Variants in AKT2 observed in about 807,000 individuals in gnomAD.
AKT2 encodes AKT serine/threonine kinase 2, also known as RAC-beta serine/threonine-protein kinase.
Under a neutral mutation model 58.6 loss-of-function variants are expected in AKT2, and 16 were observed. The ratio of observed to expected loss-of-function variants is 0.27; its 90% CI spans 0.18 to 0.41. The LOEUF (loss-of-function observed/expected upper bound fraction) is 0.41, where lower values mean the gene tolerates loss of function less well. Ranked by LOEUF, AKT2 falls within the 10% of genes least tolerant of loss-of-function variation. The pLI is 1.00. For synonymous variants in AKT2, 253 were observed against 254.0 expected, an observed-to-expected ratio of 1.00 and a Z score of 0.04; for missense variants, 438 against 661.0, an observed-to-expected ratio of 0.66 and a Z score of 3.70.
rs537152351 is a variant in AKT2 at position 40,256,738 on chromosome 19, T to A, written c.175+188A>T. On this transcript the variant is annotated intron_variant, in intron 3 of 13. Coordinates refer to ENST00000392038, the MANE Select transcript of AKT2 (RefSeq NM_001626.6). ...GCTTCTCCCTCCCTCCCACTCTGCATCTCCCCGCAGGACAGCCCCGCCTGG... is the reference window on the plus strand; with the variant it reads ...GCTTCTCCCTCCCTCCCACTCTGCAACTCCCCGCAGGACAGCCCCGCCTGG... Among the ~76,000 whole-genome samples the A allele has an allele frequency of 3.4e-4, 52 of 152,146 alleles. 1 individual carries two copies. The highest frequency in any genetic ancestry group is 2.9e-3 in the Admixed American group (45 of 15,284).
Position 40,235,258 on chromosome 19 carries a change from C to T in AKT2, c.1263+5G>A. On this transcript the variant is annotated splice_donor_5th_base_variant and intron_variant, in intron 12 of 13. Transcript: ENST00000392038. The surrounding 1 kb of genome is among the most constrained non-coding windows in gnomAD (Gnocchi z 6.3). ...GGTCCTGCTGGGGCAAGCAGTGGGG[C>T]TCACCTTCTTCTGGACCACGTCCTG... The T allele has an allele frequency of 6.2e-7, 1 of 1,614,072 alleles. No homozygotes were observed. Among genetic ancestry groups the T allele is most frequent in the Non-Finnish European group, 8.5e-7 (1 of 1,180,008 alleles).
chr19:40,268,383 T>C (rs944342473), intron 1 of AKT2, among the ~76,000 whole-genome samples: 3 of 152,226 alleles, frequency 2.0e-5, no homozygotes, highest in African/African-American at 7.2e-5. Flanking sequence ...GCTGCCATTA[T>C]TCCAGAGAGA....
At chr19:40,270,955 G>C (rs966948259) in intron 1 of AKT2, among the ~76,000 whole-genome samples, 11 of 151,800 alleles carry the variant, frequency 7.2e-5, no homozygotes, top group Non-Finnish European at 1.5e-5. Flanking sequence ...TGAGGCTGCA[G>C]TGAGCTATGA....
intron 1 of AKT2, among the ~76,000 whole-genome samples, chr19:40,269,986 A>C (rs1486288497): frequency 6.6e-6 from 1 of 152,160 alleles, no homozygotes; most frequent in African/African-American, 2.4e-5. Context: ...TGCTTCTCTG[A>C]GGGCACTTCA....
At chr19:40,248,311 C>A (rs914584668) in intron 4 of AKT2, among the ~76,000 whole-genome samples, 1 of 152,220 alleles carries the variant, frequency 6.6e-6, no homozygotes, top group East Asian at 1.9e-4. Context: ...GTTCACCCAG[C>A]CGGCCTGCAA....
At chr19:40,283,859 G>T (rs755711264) in intron 1 of AKT2, among the ~76,000 whole-genome samples, 1 of 152,206 alleles carries the variant, frequency 6.6e-6, no homozygotes, top group Non-Finnish European at 1.5e-5. Flanking sequence ...AACAGCTCCC[G>T]GCCTCACTGC....
rs763951605 is a variant in AKT2, at chr19:40,237,995, G to A, written c.805C>T (p.Arg269Trp). The change falls in exon 9 of 14, where the codon CGG becomes TGG. Residue 269 changes from arginine (R) to tryptophan (W), a missense_variant. By Grantham distance (101) the Arg-to-Trp change is moderately radical (BLOSUM62 -3). Coordinates refer to ENST00000392038, the MANE Select transcript of AKT2 (RefSeq NM_001626.6). The surrounding 1 kb of genome is among the most constrained non-coding windows in gnomAD (Gnocchi z 4.5). ...IVSALEYLHS[R>W]DVVYRDIKLE... ...TTGATGTCGCGGTATACCACGTCCCGCGAGTGCAAGTACTCAAGAGCCGAG... is the reference window on the plus strand; with the variant it reads ...TTGATGTCGCGGTATACCACGTCCCACGAGTGCAAGTACTCAAGAGCCGAG... 2.5e-6 allele frequency: 4 copies of A among 1,613,526 alleles called. No homozygotes were observed. Among genetic ancestry groups the A allele is most frequent in the Non-Finnish European group, 3.4e-6 (4 of 1,179,848 alleles).
Position 40,236,066 on chromosome 19 carries a change from C to T in AKT2, c.999G>A (p.Trp333Ter), listed in dbSNP as rs1323113005. Residue 333 changes from tryptophan to a stop codon, truncating the protein, a stop_gained, in exon 11 of 14, where the codon TGG (tryptophan) becomes TGA (stop). Coordinates refer to ENST00000392038, the MANE Select transcript of AKT2 (RefSeq NM_001626.6). LOFTEE classifies it high-confidence loss of function. ...CGTACATGACCACACCCAGCCCCCACCAGTCCACGGCCCGGCCATAGTCAT... is the reference window on the plus strand; with the variant it reads ...CGTACATGACCACACCCAGCCCCCATCAGTCCACGGCCCGGCCATAGTCAT... The part of the protein sequence containing the change: ...EDNDYGRAVD[W>*]WGLGVVMYEM... 1 of 1,614,156 alleles carries T rather than the reference C, an allele frequency of 6.2e-7. No individual in the cohort carries two copies. Among genetic ancestry groups the T allele is most frequent in the Non-Finnish European group, 8.5e-7 (1 of 1,180,026 alleles).
chr19:40,253,882 A>G lies in AKT2; in HGVS notation c.287+1276T>C, dbSNP rs569302263. On this transcript the variant is annotated intron_variant, in intron 4 of 13. Transcript: ENST00000392038. ...TCCAAAAAAAAAAGCAAAACATGAA[A>G]CAAAGCAGCTGCATCTCTCCATATA... Among the ~76,000 whole-genome samples the G allele has an allele frequency of 7.2e-5, 11 of 152,202 alleles. No homozygotes were observed. In the South Asian group the frequency reaches 1.0e-3, roughly 14 times the overall value.
In AKT2 at chr19:40,237,271, G is replaced by T. The variant is rs1974089321; in HGVS notation, c.831+698C>A. 6.5e-6 allele frequency: 1 copy of T among 153,934 alleles called. No homozygotes were observed. The highest frequency in any genetic ancestry group is 2.4e-5 in the African/African-American group (1 of 41,460). The allele number at this position is 153,934 out of a possible 1,614,324, so 9.5% of individuals were successfully genotyped here. On this transcript the variant is annotated intron_variant, in intron 9 of 13. Coordinates refer to ENST00000392038, the MANE Select transcript of AKT2 (RefSeq NM_001626.6). This position sits in a 1 kb window ranked among gnomAD's most constrained non-coding sequence, Gnocchi z 4.5. The stretch of plus-strand genomic sequence containing the variant: ...CTGAGTGAGGGGGACACTTTCTAAG[G>T]TGAGTGTGTGTCCCCACTTCTCCTG...
At chr19:40,281,266 G>A (rs1342670921) in intron 1 of AKT2, among the ~76,000 whole-genome samples, 1 of 152,234 alleles carries the variant, frequency 6.6e-6, no homozygotes, top group Non-Finnish European at 1.5e-5. Context: ...TGAGGCAGGA[G>A]GATCACTTGA....
At chr19:40,243,416 A>G (rs1974538372) in intron 4 of AKT2, 1 of 152,882 alleles carries the variant, frequency 6.5e-6, no homozygotes, top group Non-Finnish European at 1.5e-5. Context: ...TTCATTAGCC[A>G]AAGGAGCTGA....
intron 1 of AKT2, among the ~76,000 whole-genome samples, chr19:40,280,154 A>G (rs2077398302): frequency 6.6e-6 from 1 of 152,260 alleles, no homozygotes; most frequent in Admixed American, 6.5e-5. Context: ...GGAATGGCGC[A>G]GGCCTACAGG....
intron 4 of AKT2, among the ~76,000 whole-genome samples, chr19:40,254,000 G>C (rs1250622320): frequency 6.8e-6 from 1 of 146,580 alleles, no homozygotes; most frequent in African/African-American, 2.5e-5. Context: ...AAAAAAAAAA[G>C]GCAGCCAGGC....
At chr19:40,275,778 G>GGT (rs57322271) in intron 1 of AKT2, among the ~76,000 whole-genome samples, 1 of 55,806 alleles carries the variant, frequency 1.8e-5, no homozygotes, top group South Asian at 9.2e-4. Context: ...GGGGGGGGGG[G>GGT]TGGGCGGGGG....
Position 40,233,698 on chromosome 19 carries a change from A to AG in AKT2, c.*173dup, listed in dbSNP as rs1412727628. 8 of 709,316 alleles carry AG rather than the reference A, an allele frequency of 1.1e-5. No individual in the cohort carries two copies. The highest frequency in any genetic ancestry group is 3.9e-5 in the Admixed American group (2 of 50,904). 43.9% of individuals were successfully genotyped at this position (709,316 alleles called of 1,614,324 possible). A position where few individuals can be genotyped will look rare whatever the true frequency, so the allele number is the denominator to read the frequency against. ...AAAGGTGAGGCTGGAGGCTGGAGGCAGGGGCTGCAGGGGCCGCTGGGGTGC... is the reference window on the plus strand; with the variant it reads ...AAAGGTGAGGCTGGAGGCTGGAGGCAGGGGGCTGCAGGGGCCGCTGGGGTGC... On this transcript the variant is annotated 3_prime_UTR_variant, in exon 14 of 14. Coordinates refer to ENST00000392038, the MANE Select transcript of AKT2 (RefSeq NM_001626.6). This position sits in a 1 kb window ranked among gnomAD's most constrained non-coding sequence, Gnocchi z 4.3.
chr19:40,275,718 T>C (rs1042570473), intron 1 of AKT2, among the ~76,000 whole-genome samples: 2 of 135,922 alleles, frequency 1.5e-5, no homozygotes, highest in Admixed American at 8.7e-5. Context: ...CATATGTGAG[T>C]CCGGGCACGA....
Position 40,238,290 on chromosome 19 carries a change from C to G in AKT2, c.709-199G>C, listed in dbSNP as rs1264928932. Among the ~76,000 whole-genome samples, 2 of 152,128 alleles carry G rather than the reference C, an allele frequency of 1.3e-5. No individual in the cohort carries two copies. The highest frequency in any genetic ancestry group is 1.3e-4 in the Admixed American group (2 of 15,272). Reference sequence around the variant, plus strand: ...AGCTGGGGGGAAGGGCGAGGGTCTGCCAGGAGGCACCCATGAGAGGGTATG... The same window carrying G: ...AGCTGGGGGGAAGGGCGAGGGTCTGGCAGGAGGCACCCATGAGAGGGTATG... On this transcript the variant is annotated intron_variant, in intron 8 of 13. Transcript: ENST00000392038. The surrounding 1 kb of genome is among the most constrained non-coding windows in gnomAD (Gnocchi z 5.1).
intron 7 of AKT2, 108 bp downstream of exon 7, chr19:40,239,937 G>A (rs527353928): frequency 1.0e-5 from 14 of 1,391,630 alleles, no homozygotes; most frequent in South Asian, 2.3e-5. Context: ...TGCCCTGCCC[G>A]CCTGGCCTAC....
Sources: allele counts gnomAD v4.1 joint callset (sites outside exome capture counted in the v4.1 genomes callset), GRCh38; gene constraint gnomAD v4.1.1; non-coding constraint Gnocchi (gnomAD v3.1); transcripts MANE v1.5; gene names NCBI Gene and HGNC (gene_info 2026-07-23, HGNC 2026-07-21).